Variants in DNAJC5B observed in about 807,000 individuals in gnomAD.
DNAJC5B encodes dnaJ homolog subfamily C member 5B.
A neutral mutation model predicts 24.7 loss-of-function variants in DNAJC5B; 23 were observed. That is an observed-to-expected ratio of 0.93 (90% CI 0.67 to 1.32). The LOEUF is 1.32. DNAJC5B is among the 40% of genes most tolerant of loss of function. The pLI is 0.00. For synonymous variants in DNAJC5B, 101 were observed against 90.1 expected (o/e 1.12, Z -0.68); for missense variants, 238 against 240.8 (o/e 0.99, Z 0.08).
intron 5 of DNAJC5B, among the ~76,000 whole-genome samples, chr8:66,095,941 T>A (rs1342483236): frequency 6.6e-6 from 1 of 152,172 alleles, no homozygotes; most frequent in Admixed American, 6.5e-5. Context: ...TTTTTATAAA[T>A]GTTCCACATT....
rs1491318918 is a variant in DNAJC5B, at chr8:66,095,694, CAT to C, written c.506-4241_506-4240del. The stretch of plus-strand genomic sequence containing the variant: ...ACACACACACACACACACACACACA[CAT>C]ACAATGTTCTTATATTGTTCTCATC... On this transcript the variant is annotated intron_variant, in intron 5 of 5. Coordinates refer to ENST00000276570, the MANE Select transcript of DNAJC5B (RefSeq NM_033105.6). Among the ~76,000 whole-genome samples the C allele has an allele frequency of 4.8e-3, 703 of 147,454 alleles. 7 individuals carry two copies. The East Asian group carries it at 0.054, about 11-fold the overall frequency.
chr8:66,090,966 G>A (rs953207779), intron 5 of DNAJC5B, among the ~76,000 whole-genome samples: 1 of 152,128 alleles, frequency 6.6e-6, no homozygotes, highest in South Asian at 2.1e-4. Context: ...AAGCTCTTGG[G>A]CCAGAGCAGT....
At chr8:66,066,963 G>T (rs1807229759) in intron 3 of DNAJC5B, among the ~76,000 whole-genome samples, 2 of 151,828 alleles carry the variant, frequency 1.3e-5, no homozygotes, top group African/African-American at 2.4e-5. Flanking sequence ...CTGCAGTGAA[G>T]AAATTTTTAA....
At chr8:66,022,592 CAAG>C (rs1806160199) in intron 1 of DNAJC5B, among the ~76,000 whole-genome samples, 1 of 152,166 alleles carries the variant, frequency 6.6e-6, no homozygotes, top group African/African-American at 2.4e-5. Flanking sequence ...CAGCCATCGA[CAAG>C]AAGAGGAGGA....
chr8:66,062,022 C>T (rs1240229840), intron 3 of DNAJC5B, among the ~76,000 whole-genome samples: 2 of 152,204 alleles, frequency 1.3e-5, no homozygotes, highest in African/African-American at 4.8e-5. Flanking sequence ...GCTGTTCCAG[C>T]AGAGCACTGC....
chr8:66,054,936 A>G (rs1346388939), intron 3 of DNAJC5B, among the ~76,000 whole-genome samples: 1 of 152,096 alleles, frequency 6.6e-6, no homozygotes, highest in Non-Finnish European at 1.5e-5. Flanking sequence ...TTTTTGTAAT[A>G]TCTACAAAAA....
intron 5 of DNAJC5B, among the ~76,000 whole-genome samples, chr8:66,092,882 G>T (rs1224998269): frequency 6.6e-6 from 1 of 152,048 alleles, no homozygotes; most frequent in Non-Finnish European, 1.5e-5. Flanking sequence ...GGTATATTGT[G>T]TGACGCTGAA....
At chr8:66,039,323 T>G (rs1006054430) in intron 1 of DNAJC5B, among the ~76,000 whole-genome samples, 4 of 150,918 alleles carry the variant, frequency 2.7e-5, no homozygotes, top group African/African-American at 4.9e-5. Context: ...AGAAAATGAG[T>G]GCATAAAAAC....
intron 5 of DNAJC5B, among the ~76,000 whole-genome samples, chr8:66,090,702 G>A (rs755281969): frequency 4.6e-5 from 7 of 151,730 alleles, no homozygotes; most frequent in Non-Finnish European, 8.8e-5. Flanking sequence ...TCTCACTTTC[G>A]GCCAAGATAT....
intron 5 of DNAJC5B, among the ~76,000 whole-genome samples, chr8:66,086,741 T>C (rs1262159831): frequency 6.6e-6 from 1 of 152,148 alleles, no homozygotes; most frequent in Admixed American, 6.5e-5. Context: ...CAGATTATTA[T>C]ATTGTACTTG....
At chr8:66,088,267 G>C (rs556274143) in intron 5 of DNAJC5B, among the ~76,000 whole-genome samples, 1 of 152,288 alleles carries the variant, frequency 6.6e-6, no homozygotes, top group South Asian at 2.1e-4. Flanking sequence ...GAGTGGCTGG[G>C]ATGCAGGGCA....
chr8:66,053,174 T>C (rs971301664), intron 3 of DNAJC5B, among the ~76,000 whole-genome samples: 34 of 152,180 alleles, frequency 2.2e-4, no homozygotes, highest in African/African-American at 7.7e-4. Flanking sequence ...CTGATTCAAG[T>C]AATCCTCCCA....
chr8:66,084,173 T>A lies in DNAJC5B; in HGVS notation c.505+3625T>A, dbSNP rs148479202. ...GGCTGGTTAAGGATGAAAATCAGACTTCATCTGAAGACTAAGCTTTCTGGA... is the reference window on the plus strand; with the variant it reads ...GGCTGGTTAAGGATGAAAATCAGACATCATCTGAAGACTAAGCTTTCTGGA... On this transcript the variant is annotated intron_variant, in intron 5 of 5. Transcript: ENST00000276570. Among the ~76,000 whole-genome samples, 16 of 152,302 alleles carry A rather than the reference T, an allele frequency of 1.1e-4. No individual in the cohort carries two copies. The East Asian group carries it at 3.1e-3, about 29-fold the overall frequency.
At chr8:66,050,294 C>A (rs888073570) in intron 2 of DNAJC5B, among the ~76,000 whole-genome samples, 4 of 152,024 alleles carry the variant, frequency 2.6e-5, no homozygotes, top group African/African-American at 9.7e-5. Context: ...CTGAAACACA[C>A]AAGAAAAAAT....
chr8:66,096,497 T>C, intron 5 of DNAJC5B, among the ~76,000 whole-genome samples: 1 of 152,202 alleles, frequency 6.6e-6, no homozygotes, highest in East Asian at 1.9e-4. Context: ...AATTTTTCTA[T>C]TTCTCTATAA....
chr8:66,037,423 C>T (rs1806511598), intron 1 of DNAJC5B, among the ~76,000 whole-genome samples: 1 of 152,088 alleles, frequency 6.6e-6, no homozygotes, highest in South Asian at 2.1e-4. Flanking sequence ...AGACCTGAGA[C>T]CTGGGAGGAG....
At chr8:66,017,329 TC>T (rs1805981143), upstream of DNAJC5B, among the ~76,000 whole-genome samples, 1 of 152,222 alleles carries the variant, frequency 6.6e-6, no homozygotes, top group Non-Finnish European at 1.5e-5. Flanking sequence ...TCATTAGCAC[TC>T]CTTAAAAATG....
chr8:66,062,662 G>A (rs1370565411), intron 3 of DNAJC5B, among the ~76,000 whole-genome samples: 6 of 152,170 alleles, frequency 3.9e-5, no homozygotes, highest in African/African-American at 1.4e-4. Context: ...TTTTTAGAGA[G>A]CCACAAAATT....
At chr8:66,053,876 G>A (rs1484770191) in intron 3 of DNAJC5B, among the ~76,000 whole-genome samples, 2 of 150,638 alleles carry the variant, frequency 1.3e-5, no homozygotes, top group East Asian at 2.0e-4. Flanking sequence ...TGATCCTTCC[G>A]CCTCAGCCTC....
Sources: allele counts gnomAD v4.1 joint callset (sites outside exome capture counted in the v4.1 genomes callset), GRCh38; gene constraint gnomAD v4.1.1; transcripts MANE v1.5; gene names NCBI Gene and HGNC (gene_info 2026-07-23, HGNC 2026-07-21).